EPB41L4A: variants seen among roughly 807,000 people sequenced by gnomAD.
EPB41L4A encodes band 4.1-like protein 4A.
Under a neutral mutation model 108.6 loss-of-function variants are expected in EPB41L4A, and 100 were observed. That is an observed-to-expected ratio of 0.92 (90% CI 0.78 to 1.09). The LOEUF is 1.09. Among genes scored for constraint, EPB41L4A ranks in the 50% least tolerant of loss-of-function variants. The pLI is 0.00. For missense variants in EPB41L4A, 1,030 were observed against 842.7 expected (o/e 1.22, Z -2.75); for synonymous variants, 319 against 289.0 (o/e 1.10, Z -1.05).
At chr5:112,269,137 C>A (rs1372201948) in intron 4 of EPB41L4A, among the ~76,000 whole-genome samples, 26 of 151,412 alleles carry the variant, frequency 1.7e-4, no homozygotes, top group Admixed American at 1.7e-3. Context: ...GATAAACAGA[C>A]AAAATTCTAA....
rs748075502 is a variant in EPB41L4A, at chr5:112,262,628, GCACT to G, written c.555-51_555-48del. 25 of 1,438,768 alleles carry G rather than the reference GCACT, an allele frequency of 1.7e-5. No homozygotes were observed. In the Admixed American group the frequency reaches 4.3e-4, roughly 25 times the overall value. 89.1% of individuals were successfully genotyped at this position (1,438,768 alleles called of 1,614,324 possible). On this transcript the variant is annotated intron_variant, in intron 6 of 22. Coordinates refer to ENST00000261486, the MANE Select transcript of EPB41L4A (RefSeq NM_022140.5). ...AGAGCCTTATTTTACAGCAGCTACT[GCACT>G]TACAGGGATGCAAACTATCTTCATT...
At chr5:112,318,997 T>C (rs1223371003) in intron 1 of EPB41L4A, among the ~76,000 whole-genome samples, 1 of 152,218 alleles carries the variant, frequency 6.6e-6, no homozygotes, top group Non-Finnish European at 1.5e-5. Context: ...CACATTAGCT[T>C]GTTATAGGAA....
At chr5:112,219,894 C>T (rs531617078) in intron 12 of EPB41L4A, among the ~76,000 whole-genome samples, 22 of 152,230 alleles carry the variant, frequency 1.4e-4, no homozygotes, top group Middle Eastern at 3.4e-3. Context: ...TAGGGTTTCA[C>T]CATGTTGGCC....
At chr5:112,223,510 TC>T (rs954827207) in intron 12 of EPB41L4A, among the ~76,000 whole-genome samples, 2 of 151,972 alleles carry the variant, frequency 1.3e-5, no homozygotes, top group Non-Finnish European at 2.9e-5. Context: ...GGAATATCTA[TC>T]CCCAAAACAG....
chr5:112,168,177 CTA>C (rs1319773056), intron 22 of EPB41L4A, among the ~76,000 whole-genome samples: 4 of 152,206 alleles, frequency 2.6e-5, no homozygotes, highest in Non-Finnish European at 5.9e-5. Context: ...TCTTCCTGAA[CTA>C]TGTTTGCTAC....
chr5:112,323,360 C>T (rs371479311), intron 1 of EPB41L4A, among the ~76,000 whole-genome samples: 11 of 152,164 alleles, frequency 7.2e-5, no homozygotes, highest in African/African-American at 2.4e-4. Flanking sequence ...AAACTGAGAA[C>T]CCAAATTATC....
At chr5:112,232,673 G>T (rs1274130057) in intron 12 of EPB41L4A, among the ~76,000 whole-genome samples, 10 of 152,120 alleles carry the variant, frequency 6.6e-5, no homozygotes, top group African/African-American at 2.4e-4. Context: ...CATAATGCTA[G>T]GTCAATTTTC....
intron 9 of EPB41L4A, 117 bp from the exon 10 acceptor site, chr5:112,240,927 A>G (rs1008958714): frequency 6.7e-6 from 4 of 594,248 alleles, no homozygotes; most frequent in Non-Finnish European, 1.2e-5. Flanking sequence ...TTGATAATAT[A>G]TAAATAATAA....
intron 1 of EPB41L4A, among the ~76,000 whole-genome samples, chr5:112,387,893 T>G (rs370273054): frequency 6.6e-6 from 1 of 152,198 alleles, no homozygotes; most frequent in Non-Finnish European, 1.5e-5. Context: ...ACATACACTT[T>G]CTATCTTCCT....
chr5:112,176,572 CA>C (rs1344109212), intron 18 of EPB41L4A, among the ~76,000 whole-genome samples: 2 of 152,050 alleles, frequency 1.3e-5, no homozygotes, highest in African/African-American at 4.8e-5. Context: ...GCTCACACTA[CA>C]AATCTGTCAG....
Position 112,186,443 on chromosome 5 carries a change from T to C in EPB41L4A, c.1503-2308A>G, listed in dbSNP as rs372348501. 5.3e-5 allele frequency among the ~76,000 whole-genome samples: 8 copies of C among 152,358 alleles called. No individual in the cohort carries two copies. The East Asian group carries it at 9.6e-4, about 18-fold the overall frequency. On this transcript the variant is annotated intron_variant, in intron 17 of 22. Coordinates refer to ENST00000261486, the MANE Select transcript of EPB41L4A (RefSeq NM_022140.5). ...CATGCGTATTTCCTGTATCCTGCTA[T>C]AATAGTAATAAGGACCAAATCAGAA...
At chr5:112,145,012 C>T (rs1759196563) in intron 13 of EPB41L4A, among the ~76,000 whole-genome samples, 2 of 152,132 alleles carry the variant, frequency 1.3e-5, no homozygotes, top group Admixed American at 6.5e-5. Flanking sequence ...TCTGGCTGTG[C>T]GTGGTGGTGA....
At chr5:112,145,343 C>G (rs1759210606) in intron 13 of EPB41L4A, among the ~76,000 whole-genome samples, 1 of 152,152 alleles carries the variant, frequency 6.6e-6, no homozygotes, top group South Asian at 2.1e-4. Flanking sequence ...CTCTTCTGCA[C>G]CACCATTTTA....
At chr5:112,400,045 T>G (rs1056060638) in intron 1 of EPB41L4A, among the ~76,000 whole-genome samples, 2 of 152,150 alleles carry the variant, frequency 1.3e-5, no homozygotes, top group African/African-American at 4.8e-5. Flanking sequence ...AAAGAAGCAC[T>G]TGAGACTGGG....
intron 1 of EPB41L4A, among the ~76,000 whole-genome samples, chr5:112,320,807 T>A (rs1239462220): frequency 6.6e-6 from 1 of 152,084 alleles, no homozygotes; most frequent in Non-Finnish European, 1.5e-5. Flanking sequence ...ATGGCAAAAA[T>A]CAGCAGGAAC....
chr5:112,177,375 T>C (rs973596084), intron 18 of EPB41L4A, among the ~76,000 whole-genome samples: 3 of 152,216 alleles, frequency 2.0e-5, no homozygotes, highest in African/African-American at 7.2e-5. Flanking sequence ...TTAAGAAACT[T>C]ATGATTACTT....
At chr5:112,342,820 G>T (rs1183521486) in intron 1 of EPB41L4A, among the ~76,000 whole-genome samples, 1 of 152,138 alleles carries the variant, frequency 6.6e-6, no homozygotes, top group African/African-American at 2.4e-5. Flanking sequence ...CACACGTTTT[G>T]TAGTAAATTG....
chr5:112,262,642 G>A lies in EPB41L4A; in HGVS notation c.555-61C>T, dbSNP rs971216711. On this transcript the variant is annotated intron_variant, in intron 6 of 22. Coordinates refer to ENST00000261486, the MANE Select transcript of EPB41L4A (RefSeq NM_022140.5). ...CAGCAGCTACTGCACTTACAGGGAT[G>A]CAAACTATCTTCATTGTATTCAATG... 10 of 1,276,752 alleles carry A rather than the reference G, an allele frequency of 7.8e-6. No homozygotes were observed. The Admixed American group carries it at 1.5e-4, about 19-fold the overall frequency. The allele number at this position is 1,276,752 out of a possible 1,614,324, so 79.1% of individuals were successfully genotyped here.
chr5:112,146,104 G>A (rs1759245601), intron 12 of EPB41L4A: 3 of 382,520 alleles, frequency 7.8e-6, no homozygotes, highest in Middle Eastern at 3.6e-4. Flanking sequence ...ATCTGATAGG[G>A]TCTTACAGAA....
Sources: allele counts gnomAD v4.1 joint callset (sites outside exome capture counted in the v4.1 genomes callset), GRCh38; gene constraint gnomAD v4.1.1; transcripts MANE v1.5; gene names NCBI Gene and HGNC (gene_info 2026-07-23, HGNC 2026-07-21).